SND1: variants seen among roughly 807,000 people sequenced by gnomAD.
SND1 encodes staphylococcal nuclease domain-containing protein 1.
SND1 carries 38 observed loss-of-function variants against 121.7 expected under a neutral mutation model. The ratio of observed to expected loss-of-function variants is 0.31; its 90% confidence interval spans 0.24 to 0.41. The LOEUF (loss-of-function observed/expected upper bound fraction) is 0.41, where lower values mean the gene tolerates loss of function less well. SND1 is among the 10% of genes least tolerant of loss of function. The pLI is 1.00. For missense variants in SND1, 868 were observed against 1,184.6 expected (o/e 0.73, Z 3.92); for synonymous variants, 401 against 447.4 (o/e 0.90, Z 1.31).
In SND1 at chr7:128,085,136, C is replaced by T. The variant is rs1464656102; in HGVS notation, c.2234+289C>T. ...CTGGCTGGCCGGCCGGCCAGGCTGT[C>T]CAGCACACCCCTCACCCCACCCAGG... is the stretch of plus-strand genomic sequence containing the variant. On this transcript the variant is annotated intron_variant, in intron 19 of 23. Coordinates refer to ENST00000354725, the MANE Select transcript of SND1 (RefSeq NM_014390.4). The surrounding 1 kb of genome is among the most constrained non-coding windows in gnomAD (Gnocchi z 4.4). Among the ~76,000 whole-genome samples the T allele has an allele frequency of 1.3e-5, 2 of 152,120 alleles. No individual in the cohort carries two copies. Among genetic ancestry groups the T allele is most frequent in the Non-Finnish European group, 2.9e-5 (2 of 68,004 alleles).
intron 16 of SND1, among the ~76,000 whole-genome samples, chr7:128,037,719 C>A (rs1346522747): frequency 6.6e-6 from 1 of 152,132 alleles, no homozygotes; most frequent in Non-Finnish European, 1.5e-5. Context: ...GCTGTTGGGT[C>A]TTCCCACTGG....
intron 12 of SND1, among the ~76,000 whole-genome samples, chr7:127,845,959 C>T (rs190929291): frequency 1.3e-5 from 2 of 149,896 alleles, no homozygotes; most frequent in East Asian, 3.9e-4. Flanking sequence ...TGTGGCCATG[C>T]TTTGTGCCTT....
chr7:127,702,417 G>A lies in SND1; in HGVS notation c.590-18G>A. The A allele has an allele frequency of 1.2e-6, 2 of 1,612,552 alleles. No individual in the cohort carries two copies. Among genetic ancestry groups the A allele is most frequent in the Admixed American group, 1.7e-5 (1 of 60,020 alleles). On this transcript the variant is annotated intron_variant, in intron 5 of 23. Coordinates refer to ENST00000354725, the MANE Select transcript of SND1 (RefSeq NM_014390.4). ...AGGATGTTTGCTAAGGACTTAAGCT[G>A]TTTATTCTGTCACACAGCTATCATC... is the stretch of plus-strand genomic sequence containing the variant.
intron 13 of SND1, among the ~76,000 whole-genome samples, chr7:127,902,943 G>A (rs576288518): frequency 3.8e-4 from 57 of 151,688 alleles, no homozygotes; most frequent in South Asian, 2.3e-3. Context: ...GTGCAGTTGC[G>A]CAATCTTGGC....
chr7:127,969,724 T>C (rs1801939609), intron 15 of SND1, among the ~76,000 whole-genome samples: 1 of 152,094 alleles, frequency 6.6e-6, no homozygotes, highest in Admixed American at 6.5e-5. Flanking sequence ...CAAGACTCCG[T>C]CTCAAAAACA....
intron 12 of SND1, among the ~76,000 whole-genome samples, chr7:127,865,781 C>CT (rs111595150): frequency 0.027 from 3,846 of 142,108 alleles, 154 homozygotes; most frequent in African/African-American, 0.087. Context: ...ATTTATTTAT[C>CT]TTTTTTTTTT....
chr7:127,854,538 C>CTATTTATTTATT (rs59447282), intron 12 of SND1, among the ~76,000 whole-genome samples: 75 of 145,436 alleles, frequency 5.2e-4, no homozygotes, highest in South Asian at 1.3e-3. Context: ...TACTAGCATT[C>CTATTTATTTATT]TATTTATTTA....
intron 1 of SND1, among the ~76,000 whole-genome samples, chr7:127,661,040 G>C (rs1477314806): frequency 6.6e-6 from 1 of 152,188 alleles, no homozygotes; most frequent in Non-Finnish European, 1.5e-5. Flanking sequence ...TGTACTGTTT[G>C]TAGTTGAAGG....
chr7:128,059,334 A>T (rs183862139), intron 16 of SND1, among the ~76,000 whole-genome samples: 15 of 152,340 alleles, frequency 9.8e-5, no homozygotes, highest in Admixed American at 9.2e-4. Context: ...ATGTGGCTTT[A>T]TCGTGTCTTC....
chr7:127,782,171 T>G (rs985042625), intron 10 of SND1, among the ~76,000 whole-genome samples: 4 of 152,230 alleles, frequency 2.6e-5, no homozygotes, highest in African/African-American at 9.6e-5. Context: ...GTTTCTTGAT[T>G]GTCTCTCCCA....
intron 10 of SND1, among the ~76,000 whole-genome samples, chr7:127,802,147 A>G (rs1798143646): frequency 6.6e-6 from 1 of 152,082 alleles, no homozygotes; most frequent in Non-Finnish European, 1.5e-5. Context: ...GCCCAGCTCT[A>G]GAACTTTTTA....
At chr7:127,705,356 G>T (rs570191405) in intron 8 of SND1, among the ~76,000 whole-genome samples, 1 of 152,204 alleles carries the variant, frequency 6.6e-6, no homozygotes, top group Non-Finnish European at 1.5e-5. Context: ...GAGCCTGTAG[G>T]TTTTAAACCA....
At chr7:127,928,507 CTTT>C (rs745644708) in intron 14 of SND1, among the ~76,000 whole-genome samples, 1 of 109,470 alleles carries the variant, frequency 9.1e-6, no homozygotes, top group Middle Eastern at 5.3e-3. Flanking sequence ...CTAGGCGTCG[CTTT>C]TTTTTTTTTT....
Position 128,029,328 on chromosome 7 carries a change from T to G in SND1, c.1779+38272T>G. 3.7e-6 allele frequency: 6 copies of G among 1,614,116 alleles called. No homozygotes were observed. The highest frequency in any genetic ancestry group is 5.1e-6 in the Non-Finnish European group (6 of 1,180,012). On this transcript the variant is annotated intron_variant, in intron 16 of 23. Coordinates refer to ENST00000354725, the MANE Select transcript of SND1 (RefSeq NM_014390.4). The surrounding 1 kb of genome is among the most constrained non-coding windows in gnomAD (Gnocchi z 4.2). ...AAGCTCAGCCGTGCTCACATTGAGG[T>G]AGGCCGAGGCGTTGGAGTTGCCTGC...
In SND1 at chr7:127,702,453, G is replaced by A; in HGVS notation, c.608G>A (p.Arg203Gln). The part of the protein sequence containing the change: ...KPVNAIIEHV[R>Q]DGSVVRALLL... The stretch of plus-strand genomic sequence containing the variant: ...CACACAGCTATCATCGAGCATGTGC[G>A]GGACGGCAGTGTGGTCAGGGCCCTG... The change falls in exon 6 of 24, where the codon CGG becomes CAG. Residue 203 changes from arginine to glutamine, a missense_variant. Around this residue, in one of 2 missense-constraint regions of SND1, gnomAD observed 743 missense variants for 1,071.3 expected, o/e 0.69. Coordinates refer to ENST00000354725, the MANE Select transcript of SND1 (RefSeq NM_014390.4). 2 of 1,614,062 alleles carry A rather than the reference G, an allele frequency of 1.2e-6. No homozygotes were observed. Among genetic ancestry groups the A allele is most frequent in the Non-Finnish European group, 8.5e-7 (1 of 1,179,946 alleles).
intron 15 of SND1, among the ~76,000 whole-genome samples, chr7:127,958,274 C>A (rs972078506): frequency 1.3e-5 from 2 of 152,236 alleles, no homozygotes; most frequent in African/African-American, 4.8e-5. Flanking sequence ...TTAGTAGGCA[C>A]TTAATGTTTA....
chr7:127,879,205 C>T (rs1169176043), intron 12 of SND1, among the ~76,000 whole-genome samples: 1 of 152,130 alleles, frequency 6.6e-6, no homozygotes, highest in East Asian at 1.9e-4. Context: ...TTTGCCCTTA[C>T]CCTTTAGAGA....
chr7:127,983,297 A>C (rs1264335279), intron 15 of SND1, among the ~76,000 whole-genome samples: 1 of 152,086 alleles, frequency 6.6e-6, no homozygotes, highest in Non-Finnish European at 1.5e-5. Context: ...GAGGTATGGG[A>C]GTGCAGTCAG....
intron 10 of SND1, among the ~76,000 whole-genome samples, chr7:127,722,361 G>T (rs996209129): frequency 2.7e-5 from 4 of 149,986 alleles, no homozygotes; most frequent in African/African-American, 9.8e-5. Context: ...ACACTGGAGT[G>T]CAGTGGCTAT....
Sources: allele counts gnomAD v4.1 joint callset (sites outside exome capture counted in the v4.1 genomes callset), GRCh38; gene constraint gnomAD v4.1.1; regional missense constraint gnomAD v4.1.1; non-coding constraint Gnocchi (gnomAD v3.1); transcripts MANE v1.5; gene names NCBI Gene and HGNC (gene_info 2026-07-23, HGNC 2026-07-21).